CA5A: variants seen among roughly 807,000 people sequenced by gnomAD.
The protein encoded by CA5A is carbonic anhydrase 5A, mitochondrial.
Under a neutral mutation model 37.1 loss-of-function variants are expected in CA5A, and 28 were observed. That is an observed-to-expected ratio of 0.75 (90% CI 0.56 to 1.03). The LOEUF is 1.03. Among genes scored for constraint, CA5A ranks in the 50% least tolerant of loss-of-function variants. The probability of loss-of-function intolerance (pLI) is 0.00; values close to 1 mark genes in which losing one functional copy is unlikely to be tolerated. For synonymous variants in CA5A, 171 were observed against 158.4 expected, an observed-to-expected ratio of 1.08 and a Z score of -0.60; for missense variants, 444 against 399.9, an observed-to-expected ratio of 1.11 and a Z score of -0.94.
rs377503239 is a variant in CA5A, at chr16:87,909,984, G to A, written c.341-5080C>T. ...CTCAGTTTCCCCATTTGTAAAGTGC[G>A]GATGATCCTTGAACCCCCACCATAG... On this transcript the variant is annotated intron_variant, in intron 2 of 6. Transcript: ENST00000649794. Among the ~76,000 whole-genome samples, 69 of 152,226 alleles carry A rather than the reference G, an allele frequency of 4.5e-4. No homozygotes were observed. In the South Asian group the frequency reaches 0.011, roughly 25 times the overall value.
At chr16:87,921,440 G>A (rs1028801793) in intron 2 of CA5A, among the ~76,000 whole-genome samples, 1 of 152,168 alleles carries the variant, frequency 6.6e-6, no homozygotes, top group Non-Finnish European at 1.5e-5. Context: ...CACCTGCTGC[G>A]GGGCACAGCT....
chr16:87,934,045 C>T (rs1247197394), intron 1 of CA5A, among the ~76,000 whole-genome samples: 1 of 152,228 alleles, frequency 6.6e-6, no homozygotes, highest in East Asian at 1.9e-4. Context: ...GGAATGCTAC[C>T]TGCTGCCCAC....
At chr16:87,907,625 G>C (rs1478218368) in intron 2 of CA5A, among the ~76,000 whole-genome samples, 1 of 152,114 alleles carries the variant, frequency 6.6e-6, no homozygotes, top group African/African-American at 2.4e-5. Context: ...TGCACTCTTA[G>C]AGCAGAGGCT....
At chr16:87,926,966 A>T in intron 1 of CA5A, 21 bp from the exon 2 acceptor site, 1 of 1,490,472 alleles carries the variant, frequency 6.7e-7, no homozygotes. Context: ...AGAGACGGAG[A>T]CCCTGAGTGA....
Position 87,936,412 on chromosome 16 carries a change from G to A in CA5A, c.39C>T (p.Ser13=), listed in dbSNP as rs2056472201. ...GGGCCCACATCTGCTCAACCAAGAA[G>A]GAGAAAGCTGAGGTCTTCCAAGTGT... The part of the protein sequence containing the change: ...GRNTWKTSAF[S]FLVEQMWAPL... Residue 13 remains serine, a synonymous_variant, in exon 1 of 7, where the codon TCC becomes TCT. Transcript: ENST00000649794. 1.2e-6 allele frequency: 2 copies of A among 1,614,060 alleles called. No individual in the cohort carries two copies. The highest frequency in any genetic ancestry group is 1.1e-5 in the South Asian group (1 of 91,068).
At chr16:87,884,218 C>G (rs1156766305), downstream of CA5A, 2 of 138,436 alleles carry the variant, frequency 1.4e-5, no homozygotes, top group Non-Finnish European at 3.0e-5. Context: ...GAGTTCGAGA[C>G]CAGCCTGACC....
At chr16:87,882,896 C>G (rs1385647760) in intron 4 of CA5A, 1 of 152,358 alleles carries the variant, frequency 6.6e-6, no homozygotes, top group Non-Finnish European at 1.5e-5. Context: ...AAGAGCCAGA[C>G]GCTTTATTTT....
At chr16:87,888,312 C>T (rs1160112158) in intron 6 of CA5A, 40 bp from the exon 7 acceptor site, 3 of 1,570,482 alleles carry the variant, frequency 1.9e-6, no homozygotes, top group Non-Finnish European at 8.7e-7. Flanking sequence ...GGTATGAGTG[C>T]AGGGTGAGCC....
At chr16:87,916,181 A>AC (rs1491378232) in intron 2 of CA5A, among the ~76,000 whole-genome samples, 2 of 139,026 alleles carry the variant, frequency 1.4e-5, no homozygotes, top group Non-Finnish European at 3.3e-5. Context: ...AAAAAAAAAA[A>AC]CAAAAAACCA....
In CA5A at chr16:87,904,637, G is replaced by A. The variant is rs537758473; in HGVS notation, c.459+149C>T. 1.0e-3 allele frequency: 561 copies of A among 551,964 alleles called. 8 individuals carry two copies. In the South Asian group the frequency reaches 0.012, roughly 12 times the overall value. 34.2% of individuals were successfully genotyped at this position (551,964 alleles called of 1,614,324 possible). ...AGAGGTGTGACTAAACGGGTGGGGC[G>A]GCCGACGGTTCTGGTTTGAGCACTG... On this transcript the variant is annotated intron_variant, in intron 3 of 6. Transcript: ENST00000649794.
At chr16:87,908,513 G>A (rs1196740147) in intron 2 of CA5A, among the ~76,000 whole-genome samples, 1 of 152,192 alleles carries the variant, frequency 6.6e-6, no homozygotes, top group African/African-American at 2.4e-5. Flanking sequence ...GTTCCAAAGA[G>A]AGCGACGCCA....
intron 2 of CA5A, among the ~76,000 whole-genome samples, chr16:87,912,554 G>T (rs539965676): frequency 1.4e-4 from 22 of 152,330 alleles, no homozygotes; most frequent in African/African-American, 5.3e-4. Flanking sequence ...TTTCTCCCAC[G>T]TGCCGGGCAC....
intron 2 of CA5A, among the ~76,000 whole-genome samples, chr16:87,906,085 A>T (rs2143969149): frequency 6.6e-6 from 1 of 152,314 alleles, no homozygotes; most frequent in South Asian, 2.1e-4. Flanking sequence ...AGCTGCTACA[A>T]ATGGGGTACC....
intron 1 of CA5A, 118 bp downstream of exon 1, chr16:87,936,190 AC>A: frequency 1.2e-5 from 8 of 651,028 alleles, no homozygotes; most frequent in South Asian, 2.0e-5. Flanking sequence ...AAAAAAAAAA[AC>A]GGAGTGGAAA....
At chr16:87,900,912 G>A (rs995060880) in intron 5 of CA5A, among the ~76,000 whole-genome samples, 2 of 152,150 alleles carry the variant, frequency 1.3e-5, no homozygotes, top group Non-Finnish European at 2.9e-5. Context: ...AAAATTTTTC[G>A]AGCTAATCAA....
At chr16:87,894,976 G>A (rs537719002) in intron 5 of CA5A, among the ~76,000 whole-genome samples, 4 of 152,208 alleles carry the variant, frequency 2.6e-5, no homozygotes, top group African/African-American at 7.2e-5. Context: ...CTGGTTGGGC[G>A]CAATGGATCA....
intron 2 of CA5A, among the ~76,000 whole-genome samples, chr16:87,909,203 G>A (rs922272849): frequency 6.6e-6 from 1 of 152,116 alleles, no homozygotes; most frequent in Non-Finnish European, 1.5e-5. Flanking sequence ...TGGAGTAAGA[G>A]ACAAGTCAGC....
At chr16:87,912,837 C>G (rs1352323703) in intron 2 of CA5A, among the ~76,000 whole-genome samples, 1 of 152,202 alleles carries the variant, frequency 6.6e-6, no homozygotes, top group African/African-American at 2.4e-5. Flanking sequence ...GGAAAGGACC[C>G]TGGTGACAGC....
At position 87,891,878 on chromosome 16, in the gene CA5A, C is replaced by T; in HGVS notation, c.695G>A (p.Gly232Asp). Residue 232 changes from glycine (G) to aspartate (D), a missense_variant, in exon 6 of 7, where the codon GGC becomes GAC. By Grantham distance (94) the Gly-to-Asp change is moderately conservative. Coordinates refer to ENST00000649794, the MANE Select transcript of CA5A (RefSeq NM_001739.2). The part of the protein sequence containing the change: ...PTCWDYWTYA[G>D]SLTTPPLTES... ...GGTCAGCGGCGGGGTGGTGAGCGAG[C>T]CCGCGTAGGTCCAGTAATCCCAGCA... 1.9e-6 allele frequency: 3 copies of T among 1,573,298 alleles called. No individual in the cohort carries two copies. The highest frequency in any genetic ancestry group is 1.2e-5 in the South Asian group (1 of 85,684).
Sources: gnomAD v4.1 joint callset for allele counts (sites outside exome capture counted in the v4.1 genomes callset) on GRCh38, gnomAD v4.1.1 for gene constraint, MANE v1.5 for transcripts, NCBI Gene and HGNC (gene_info 2026-07-23, HGNC 2026-07-21) for gene names.